DSCAM: variants seen among roughly 807,000 people sequenced by gnomAD.
DSCAM encodes the protein DS cell adhesion molecule, also known as cell adhesion molecule DSCAM.
In DSCAM, 47 loss-of-function variants were observed where a neutral mutation model predicts 217.7. That is an observed-to-expected ratio of 0.22 (90% CI 0.17 to 0.28). The LOEUF (loss-of-function observed/expected upper bound fraction) is 0.28. Ranked by LOEUF, DSCAM falls within the 10% of genes least tolerant of loss-of-function variation. DSCAM has a pLI of 1.00. For missense variants in DSCAM, 2,080 were observed against 2,618.3 expected (o/e 0.79, Z 4.49); for synonymous variants, 1,056 against 1,015.3 (o/e 1.04, Z -0.76).
intron 3 of DSCAM, among the ~76,000 whole-genome samples, chr21:40,478,062 C>T (rs763118420): frequency 5.9e-5 from 9 of 152,102 alleles, no homozygotes; most frequent in Admixed American, 1.3e-4. Context: ...AGGATAGGTT[C>T]GTTTTGCCTG....
intron 3 of DSCAM, among the ~76,000 whole-genome samples, chr21:40,446,567 T>G (rs1381379504): frequency 6.6e-6 from 1 of 152,148 alleles, no homozygotes; most frequent in Non-Finnish European, 1.5e-5. Context: ...TCCCAGTCAG[T>G]GTTTCTGTCA....
intron 20 of DSCAM, among the ~76,000 whole-genome samples, chr21:40,096,704 T>A (rs2089681975): frequency 6.9e-6 from 1 of 145,698 alleles, no homozygotes; most frequent in Non-Finnish European, 1.5e-5. Context: ...ACAAGAATAT[T>A]AAAAAAAAAA....
At chr21:40,649,092 T>C (rs1164739210) in intron 3 of DSCAM, among the ~76,000 whole-genome samples, 1 of 132,952 alleles carries the variant, frequency 7.5e-6, no homozygotes, top group Non-Finnish European at 1.7e-5. Context: ...CCTCACACAC[T>C]TTATTGACCT....
chr21:40,530,693 A>G (rs1247727936), intron 3 of DSCAM, among the ~76,000 whole-genome samples: 1 of 152,046 alleles, frequency 6.6e-6, no homozygotes, highest in Non-Finnish European at 1.5e-5. Context: ...TGGAATACCA[A>G]ACCACCCTTT....
At chr21:40,316,145 A>G (rs879888385) in intron 8 of DSCAM, among the ~76,000 whole-genome samples, 1 of 152,232 alleles carries the variant, frequency 6.6e-6, no homozygotes, top group East Asian at 1.9e-4. Context: ...CCTTTCCAAA[A>G]TGGTTAAAAT....
At chr21:40,055,598 T>TA (rs537664139) in intron 29 of DSCAM, 127 bp downstream of exon 29, 95 of 678,610 alleles carry the variant, frequency 1.4e-4, no homozygotes, top group Non-Finnish European at 2.1e-4. Flanking sequence ...CTCTACCTTC[T>TA]AGCTTTGGTA....
At chr21:40,836,889 G>T (rs372997718) in intron 1 of DSCAM, among the ~76,000 whole-genome samples, 1 of 152,154 alleles carries the variant, frequency 6.6e-6, no homozygotes, top group Non-Finnish European at 1.5e-5. Flanking sequence ...AACACCTGGG[G>T]AGCTTTCCAA....
At chr21:40,216,825 T>C (rs2091248014) in intron 11 of DSCAM, among the ~76,000 whole-genome samples, 2 of 152,320 alleles carry the variant, frequency 1.3e-5, no homozygotes, top group Middle Eastern at 3.4e-3. Flanking sequence ...GCTGCTGCCC[T>C]GTTAGAATGT....
At chr21:40,120,180 C>A (rs1233197488) in intron 20 of DSCAM, among the ~76,000 whole-genome samples, 2 of 152,140 alleles carry the variant, frequency 1.3e-5, no homozygotes, top group South Asian at 2.1e-4. Context: ...ATTAACTCAG[C>A]AACATTTATT....
At chr21:40,489,448 C>T (rs536226921) in intron 3 of DSCAM, among the ~76,000 whole-genome samples, 216 of 152,266 alleles carry the variant, frequency 1.4e-3, no homozygotes, top group African/African-American at 4.8e-3. Context: ...TCCGTAATCA[C>T]GTTGGCCAAT....
chr21:40,637,398 TATATATAAATATAAATATATATATAA>T (rs1174941910), intron 3 of DSCAM, among the ~76,000 whole-genome samples: 354 of 18,310 alleles, frequency 0.019, 90 homozygotes, highest in Non-Finnish European at 0.019. Context: ...TATATATAAA[TATATATAAATATAAATATATATATAA>T]ATATATAAAT....
intron 11 of DSCAM, among the ~76,000 whole-genome samples, chr21:40,233,931 T>C (rs1012174682): frequency 6.6e-6 from 1 of 152,148 alleles, no homozygotes; most frequent in Non-Finnish European, 1.5e-5. Context: ...GTCTGCACAC[T>C]CCTTCCTGCC....
Position 40,094,713 on chromosome 21 carries a change from T to C in DSCAM, c.3697-839A>G, listed in dbSNP as rs143535215. Among the ~76,000 whole-genome samples, 142 of 152,322 alleles carry C rather than the reference T, an allele frequency of 9.3e-4. 1 individual carries two copies. Among genetic ancestry groups the C allele is most frequent in the African/African-American group, 3.1e-3 (129 of 41,574 alleles). On this transcript the variant is annotated intron_variant, in intron 20 of 32. Coordinates refer to ENST00000400454, the MANE Select transcript of DSCAM (RefSeq NM_001389.5). ...GGTCTTACCACAAAGGGGAAATAAT[T>C]AGCCCCAGGCTGAATACCACTCCAG...
intron 3 of DSCAM, among the ~76,000 whole-genome samples, chr21:40,602,859 C>A (rs1235594298): frequency 1.3e-5 from 2 of 151,834 alleles, no homozygotes; most frequent in Admixed American, 1.3e-4. Context: ...TATTTTCTTT[C>A]TTCTGCTTGT....
chr21:40,524,609 CT>C (rs1260548730), intron 3 of DSCAM, among the ~76,000 whole-genome samples: 1 of 152,082 alleles, frequency 6.6e-6, no homozygotes, highest in Non-Finnish European at 1.5e-5. Context: ...CTAATTCATT[CT>C]TTTTTTGCTT....
intron 3 of DSCAM, among the ~76,000 whole-genome samples, chr21:40,433,097 G>A (rs934796468): frequency 6.6e-6 from 1 of 151,824 alleles, no homozygotes; most frequent in South Asian, 2.1e-4. Context: ...GGTAGCTCAC[G>A]CCTGTAATCC....
intron 1 of DSCAM, among the ~76,000 whole-genome samples, chr21:40,845,412 C>T (rs1008576581): frequency 3.3e-5 from 5 of 152,104 alleles, no homozygotes; most frequent in Admixed American, 6.6e-5. Context: ...AATGCACTGC[C>T]TTGCAGCCAA....
At chr21:40,482,634 T>C (rs1335709038) in intron 3 of DSCAM, among the ~76,000 whole-genome samples, 2 of 152,138 alleles carry the variant, frequency 1.3e-5, no homozygotes, top group Non-Finnish European at 2.9e-5. Context: ...TCAAAAAGAA[T>C]TAGAGCAAAA....
At chr21:40,282,071 A>G (rs2073767742) in intron 10 of DSCAM, among the ~76,000 whole-genome samples, 2 of 152,194 alleles carry the variant, frequency 1.3e-5, no homozygotes, top group Non-Finnish European at 2.9e-5. Flanking sequence ...TCTTGTGGAT[A>G]TTGTGTTCAT....
Sources: gnomAD v4.1 joint callset for allele counts (sites outside exome capture counted in the v4.1 genomes callset) on GRCh38, gnomAD v4.1.1 for gene constraint, MANE v1.5 for transcripts, NCBI Gene and HGNC (gene_info 2026-07-23, HGNC 2026-07-21) for gene names.